The following CDH7 variants were observed in gnomAD, a reference collection of about 807,000 sequenced individuals.
CDH7 encodes cadherin-7.
A neutral mutation model predicts 71.8 loss-of-function variants in CDH7; 25 were observed. The ratio of observed to expected loss-of-function variants is 0.35; its 90% CI spans 0.25 to 0.49. CDH7 has a LOEUF of 0.49. Ranked by LOEUF, CDH7 falls within the 20% of genes least tolerant of loss-of-function variation. The pLI is 0.99. For synonymous variants in CDH7, 381 were observed against 363.8 expected, an observed-to-expected ratio of 1.05 and a Z score of -0.54; for missense variants, 862 against 974.6, an observed-to-expected ratio of 0.88 and a Z score of 1.54.
chr18:65,792,743 T>C (rs1345391787), intron 2 of CDH7, among the ~76,000 whole-genome samples: 1 of 152,158 alleles, frequency 6.6e-6, no homozygotes, highest in South Asian at 2.1e-4. Flanking sequence ...AGCCCTCTTA[T>C]CCATGCAGGC....
At chr18:65,782,162 CTTCCTTTCTTTCTTTCT>C (rs1910326808) in intron 2 of CDH7, among the ~76,000 whole-genome samples, 1 of 106,430 alleles carries the variant, frequency 9.4e-6, no homozygotes, top group African/African-American at 4.9e-5. Flanking sequence ...TTCTTTCTTT[CTTCCTTTCTTTCTTTCT>C]TTCTTTCTTG....
intron 6 of CDH7, among the ~76,000 whole-genome samples, chr18:65,832,288 T>G (rs1415549265): frequency 6.6e-6 from 1 of 152,108 alleles, no homozygotes; most frequent in Non-Finnish European, 1.5e-5. Context: ...CATTTGAATG[T>G]ATTATACTTG....
At chr18:65,875,167 A>T (rs938877827) in intron 11 of CDH7, among the ~76,000 whole-genome samples, 6 of 152,194 alleles carry the variant, frequency 3.9e-5, no homozygotes, top group Non-Finnish European at 8.8e-5. Flanking sequence ...AAGCCAAAAG[A>T]TTGGACACCC....
At chr18:65,848,698 G>C (rs935793297) in intron 7 of CDH7, among the ~76,000 whole-genome samples, 2 of 151,982 alleles carry the variant, frequency 1.3e-5, no homozygotes, top group African/African-American at 4.8e-5. Context: ...CAATGAAATA[G>C]AACATGATAT....
At chr18:65,753,083 A>T (rs760378399) in intron 1 of CDH7, among the ~76,000 whole-genome samples, 3 of 152,210 alleles carry the variant, frequency 2.0e-5, no homozygotes, top group Non-Finnish European at 4.4e-5. Flanking sequence ...TTAGTGTCCA[A>T]TGAAGAAGAG....
In CDH7 at chr18:65,885,379, T is replaced by TTCTTTTTTTTTTTTTC. The variant is rs1555692680; in HGVS notation, c.*4486_*4487insCTTTTTTTTTTTTTCT. 1 of 103,166 alleles carries TTCTTTTTTTTTTTTTC rather than the reference T, an allele frequency of 9.7e-6. No individual in the cohort carries two copies. The highest frequency in any genetic ancestry group is 2.0e-5 in the Non-Finnish European group (1 of 48,820). 6.4% of individuals were successfully genotyped at this position (103,166 alleles called of 1,614,324 possible). A position where few individuals can be genotyped will look rare whatever the true frequency, so the allele number is the denominator to read the frequency against. On this transcript the variant is annotated 3_prime_UTR_variant, in exon 12 of 12. Coordinates refer to ENST00000397968, the MANE Select transcript of CDH7 (RefSeq NM_004361.5). ...AAAAGGATGTGTGCCTGTGTTTTTTTTTTTTTTTTTTTTTTTGACGTGGAG... is the reference window on the plus strand; with the variant it reads ...AAAAGGATGTGTGCCTGTGTTTTTTTTCTTTTTTTTTTTTTCTTTTTTTTTTTTTTTTGACGTGGAG...
At position 65,805,947 on chromosome 18, in the gene CDH7, G is replaced by T. The variant is rs567985473; in HGVS notation, c.211-3757G>T. On this transcript the variant is annotated intron_variant, in intron 2 of 11. Transcript: ENST00000397968. ...AATGAGGTGTTTTGCAATAGCCCAA[G>T]TGAAAGGTTTGAAGATTCTAAACTA... 9.9e-5 allele frequency among the ~76,000 whole-genome samples: 15 copies of T among 152,216 alleles called. 1 individual carries two copies. The East Asian group carries it at 2.7e-3, about 28-fold the overall frequency.
chr18:65,818,404 T>C (rs937645645), intron 4 of CDH7, among the ~76,000 whole-genome samples: 4 of 152,214 alleles, frequency 2.6e-5, no homozygotes, highest in African/African-American at 9.6e-5. Flanking sequence ...GTGATCATTG[T>C]TATCCAGTCA....
chr18:65,866,706 G>A (rs1032905002), intron 11 of CDH7, among the ~76,000 whole-genome samples: 4 of 152,010 alleles, frequency 2.6e-5, no homozygotes, highest in African/African-American at 7.2e-5. Flanking sequence ...ATATGTTTAC[G>A]CCTATATATT....
At chr18:65,764,026 A>G (rs1299122704) in intron 2 of CDH7, among the ~76,000 whole-genome samples, 1 of 152,040 alleles carries the variant, frequency 6.6e-6, no homozygotes, top group Non-Finnish European at 1.5e-5. Flanking sequence ...CTGTATTTTT[A>G]CACTTCACTC....
Position 65,780,980 on chromosome 18 carries a change from C to T in CDH7, c.210+17928C>T, listed in dbSNP as rs181799088. On this transcript the variant is annotated intron_variant, in intron 2 of 11. Coordinates refer to ENST00000397968, the MANE Select transcript of CDH7 (RefSeq NM_004361.5). Reference sequence around the variant, plus strand: ...TTTTTCTGTCCAAATCTCTGATGCTCATTTATTTGCACTAGCTATGGTCCC... The same window carrying T: ...TTTTTCTGTCCAAATCTCTGATGCTTATTTATTTGCACTAGCTATGGTCCC... Among the ~76,000 whole-genome samples the T allele has an allele frequency of 3.6e-3, 496 of 139,530 alleles. 3 individuals carry two copies. Among genetic ancestry groups the T allele is most frequent in the Non-Finnish European group, 5.1e-3 (331 of 65,428 alleles). The allele number at this position is 139,530 out of a possible 152,430, so 91.5% of individuals were successfully genotyped here. A position where few individuals can be genotyped will look rare whatever the true frequency, so the allele number is the denominator to read the frequency against.
At chr18:65,801,259 A>G (rs772543573) in intron 2 of CDH7, among the ~76,000 whole-genome samples, 14 of 152,220 alleles carry the variant, frequency 9.2e-5, no homozygotes, top group Non-Finnish European at 1.8e-4. Context: ...GAAGAAACAA[A>G]CAGGCTAGAT....
intron 2 of CDH7, among the ~76,000 whole-genome samples, chr18:65,781,245 C>A (rs961755062): frequency 3.9e-5 from 6 of 152,016 alleles, no homozygotes; most frequent in Non-Finnish European, 8.8e-5. Context: ...GCTTACTGCC[C>A]TTTTACATAG....
chr18:65,856,749 G>T (rs1913372373), intron 7 of CDH7, among the ~76,000 whole-genome samples: 1 of 152,020 alleles, frequency 6.6e-6, no homozygotes, highest in Admixed American at 6.6e-5. Flanking sequence ...GTTTGTTTTT[G>T]AATGAGAGCC....
chr18:65,871,553 G>A (rs913838355), intron 11 of CDH7, among the ~76,000 whole-genome samples: 4 of 152,090 alleles, frequency 2.6e-5, no homozygotes, highest in Admixed American at 6.6e-5. Context: ...TGGAGCATGC[G>A]GTGATGGAGA....
chr18:65,871,298 C>T (rs1447485965), intron 11 of CDH7, among the ~76,000 whole-genome samples: 1 of 152,150 alleles, frequency 6.6e-6, no homozygotes, highest in African/African-American at 2.4e-5. Flanking sequence ...CAAATAGACA[C>T]TCACTTAATC....
rs147019345 is a variant in CDH7 at position 65,871,037 on chromosome 18, G to A, written c.1864+8120G>A. On this transcript the variant is annotated intron_variant, in intron 11 of 11. Transcript: ENST00000397968. Reference sequence around the variant, plus strand: ...ATCCTCCATAATTCATTATTCTACCGTCAGTTAGATAGAATAGAGTAGATA... The same window carrying A: ...ATCCTCCATAATTCATTATTCTACCATCAGTTAGATAGAATAGAGTAGATA... 2.9e-3 allele frequency among the ~76,000 whole-genome samples: 439 copies of A among 152,012 alleles called. 2 individuals are homozygous for A. The highest frequency in any genetic ancestry group is 3.8e-3 in the Non-Finnish European group (256 of 67,996).
intron 11 of CDH7, among the ~76,000 whole-genome samples, chr18:65,874,787 C>T (rs9953248): frequency 0.093 from 14,151 of 151,822 alleles, 1,152 homozygotes; most frequent in African/African-American, 0.21. Flanking sequence ...CCTTATTTAG[C>T]AATGGTACCA....
chr18:65,885,899 C>T lies in CDH7; in HGVS notation c.*5005C>T, dbSNP rs1914364119. Reference sequence around the variant, plus strand: ...AGGATTTTGGTGGCTAAGGAAAGAACATTTAGCTGTTATTTGTGTAATTGT... The same window carrying T: ...AGGATTTTGGTGGCTAAGGAAAGAATATTTAGCTGTTATTTGTGTAATTGT... On this transcript the variant is annotated 3_prime_UTR_variant, in exon 12 of 12. Transcript: ENST00000397968. The T allele has an allele frequency of 6.6e-6, 1 of 152,140 alleles. No homozygotes were observed. The highest frequency in any genetic ancestry group is 1.5e-5 in the Non-Finnish European group (1 of 68,028). The allele number at this position is 152,140 out of a possible 1,614,324, so 9.4% of individuals were successfully genotyped here. A position where few individuals can be genotyped will look rare whatever the true frequency, so the allele number is the denominator to read the frequency against.
Sources: allele counts gnomAD v4.1 joint callset (sites outside exome capture counted in the v4.1 genomes callset), GRCh38; gene constraint gnomAD v4.1.1; transcripts MANE v1.5; gene names NCBI Gene and HGNC (gene_info 2026-07-23, HGNC 2026-07-21).